CAST: variants seen among roughly 807,000 people sequenced by gnomAD.
The protein encoded by CAST is calpastatin, also known as MIR583 host.
Under a neutral mutation model 119.6 loss-of-function variants are expected in CAST, and 76 were observed. That is an observed-to-expected ratio of 0.64 (90% CI 0.53 to 0.77). The LOEUF (loss-of-function observed/expected upper bound fraction) is 0.77. CAST is among the 30% of genes least tolerant of loss of function. The pLI is 0.00. For synonymous variants in CAST, 319 were observed against 331.6 expected (o/e 0.96, Z 0.41); for missense variants, 953 against 946.5 (o/e 1.01, Z -0.09).
chr5:96,425,033 AAAGAAAGAAAGAAAG>A, the CAST span, among the ~76,000 whole-genome samples: 4 of 102,226 alleles, frequency 3.9e-5, no homozygotes, highest in East Asian at 5.4e-4. Flanking sequence ...AGAAAGAAAG[AAAGAAAGAAAGAAAG>A]AAAGAAAGAA....
At chr5:96,539,810 A>T (rs529290576) in intron 1 of CAST, among the ~76,000 whole-genome samples, 8 of 152,302 alleles carry the variant, frequency 5.3e-5, no homozygotes, top group African/African-American at 1.9e-4. Flanking sequence ...GCTGGCTTCA[A>T]TTGGTGTATT....
the CAST span, among the ~76,000 whole-genome samples, chr5:96,396,347 G>C: frequency 3.3e-5 from 5 of 152,148 alleles, no homozygotes; most frequent in Non-Finnish European, 7.3e-5. Flanking sequence ...AATCACCTGA[G>C]GTAAGGAGCT....
chr5:96,093,359 C>T, the CAST span, among the ~76,000 whole-genome samples: 19 of 152,272 alleles, frequency 1.2e-4, no homozygotes, highest in African/African-American at 4.6e-4. Context: ...AAATCTAGGT[C>T]CTGAAGAATG....
At chr5:96,727,597 C>T in intron 6 of CAST, 67 bp downstream of exon 6, 1 of 1,054,044 alleles carries the variant, frequency 9.5e-7, no homozygotes. Context: ...AATCAACTTC[C>T]TGCCTTGGCA....
chr5:96,757,341 A>T (rs750012505), intron 22 of CAST, 103 bp from the exon 23 acceptor site: 52 of 1,020,860 alleles, frequency 5.1e-5, no homozygotes, highest in Non-Finnish European at 7.8e-5. Flanking sequence ...TAAAATGTAC[A>T]ACAGCAAGTA....
the CAST span, among the ~76,000 whole-genome samples, chr5:96,061,129 G>C: frequency 1.3e-5 from 2 of 151,986 alleles, no homozygotes; most frequent in East Asian, 1.9e-4. Context: ...GAGGGTTCAG[G>C]CTTCAACAAT....
chr5:96,363,182 C>T, the CAST span, among the ~76,000 whole-genome samples: 1 of 149,220 alleles, frequency 6.7e-6, no homozygotes, highest in East Asian at 1.9e-4. Flanking sequence ...CTGTTCTGTT[C>T]CATTGGTCTA....
chr5:96,239,383 T>C, the CAST span, among the ~76,000 whole-genome samples: 1 of 152,176 alleles, frequency 6.6e-6, no homozygotes, highest in African/African-American at 2.4e-5. Context: ...TATTTTTAAA[T>C]TGTCTCCTGA....
At chr5:96,580,924 A>G (rs896440681) in intron 1 of CAST, among the ~76,000 whole-genome samples, 1 of 152,226 alleles carries the variant, frequency 6.6e-6, no homozygotes, top group African/African-American at 2.4e-5. Context: ...AAGAGGTCCA[A>G]CGAAGCTCAA....
chr5:96,213,635 A>G, the CAST span: 1 of 152,096 alleles, frequency 6.6e-6, no homozygotes, highest in Non-Finnish European at 1.5e-5. Flanking sequence ...ATAATTATAT[A>G]CATATATAAG....
chr5:96,511,364 G>T, the CAST span, among the ~76,000 whole-genome samples: 1 of 152,024 alleles, frequency 6.6e-6, no homozygotes, highest in Admixed American at 6.5e-5. Flanking sequence ...GGATGGTCTC[G>T]ATCTCTTGAT....
chr5:96,112,828 A>T, the CAST span, among the ~76,000 whole-genome samples: 3 of 152,212 alleles, frequency 2.0e-5, no homozygotes, highest in Non-Finnish European at 2.9e-5. Context: ...TACAATGTAG[A>T]GTGTAGGTTG....
the CAST span, among the ~76,000 whole-genome samples, chr5:96,232,795 T>C: frequency 6.6e-6 from 1 of 152,074 alleles, no homozygotes; most frequent in Non-Finnish European, 1.5e-5. Flanking sequence ...TCTAAGCCAA[T>C]TGGAGAGCAT....
At chr5:96,578,950 C>T (rs1195726941) in intron 1 of CAST, among the ~76,000 whole-genome samples, 1 of 152,132 alleles carries the variant, frequency 6.6e-6, no homozygotes, top group Non-Finnish European at 1.5e-5. Flanking sequence ...ATTTGGTTTG[C>T]TTGGCTTACC....
chr5:96,587,011 G>A (rs934075396), intron 1 of CAST, among the ~76,000 whole-genome samples: 3 of 152,136 alleles, frequency 2.0e-5, no homozygotes, highest in Admixed American at 6.5e-5. Context: ...CCTTCAAACC[G>A]AGATTTATTC....
chr5:96,211,416 G>T, the CAST span, among the ~76,000 whole-genome samples: 180 of 151,998 alleles, frequency 1.2e-3, no homozygotes, highest in African/African-American at 4.2e-3. Context: ...TTTTTCTTTA[G>T]TCTGTTAAAT....
the CAST span, among the ~76,000 whole-genome samples, chr5:96,274,906 A>G: frequency 1.3e-5 from 2 of 152,198 alleles, no homozygotes; most frequent in African/African-American, 4.8e-5. Flanking sequence ...ATCACCTGAT[A>G]AACCTCCAGA....
chr5:96,503,127 C>T, the CAST span, among the ~76,000 whole-genome samples: 1 of 152,172 alleles, frequency 6.6e-6, no homozygotes, highest in Admixed American at 6.5e-5. Context: ...TAATACCTTT[C>T]AATCTTTTTA....
At chr5:96,098,761 C>A in the CAST span, among the ~76,000 whole-genome samples, 1 of 152,134 alleles carries the variant, frequency 6.6e-6, no homozygotes, top group African/African-American at 2.4e-5. Flanking sequence ...TAGTGTGATG[C>A]CTCCAGCTTT....
Sources: allele counts gnomAD v4.1 joint callset (sites outside exome capture counted in the v4.1 genomes callset), GRCh38; gene constraint gnomAD v4.1.1; transcripts MANE v1.5; gene names NCBI Gene and HGNC (gene_info 2026-07-23, HGNC 2026-07-21).